FOXN2: variants seen among roughly 807,000 people sequenced by gnomAD.
FOXN2 encodes the protein forkhead box N2.
FOXN2 carries 19 observed loss-of-function variants against 41.2 expected under a neutral mutation model. That is an observed-to-expected ratio of 0.46 (90% CI 0.32 to 0.68). FOXN2 has a LOEUF of 0.68. FOXN2 is among the 30% of genes least tolerant of loss of function. FOXN2 has a pLI of 0.03. For synonymous variants in FOXN2, 195 were observed against 176.8 expected (o/e 1.10, Z -0.82); for missense variants, 587 against 509.4 (o/e 1.15, Z -1.47).
intron 4 of FOXN2, among the ~76,000 whole-genome samples, chr2:48,359,399 T>G (rs762389255): frequency 6.6e-6 from 1 of 152,148 alleles, no homozygotes; most frequent in Admixed American, 6.6e-5. Context: ...GTTCAGGTGA[T>G]CCTCCCACCT....
intron 2 of FOXN2, among the ~76,000 whole-genome samples, chr2:48,335,520 T>A (rs186440117): frequency 1.6e-4 from 25 of 152,310 alleles, no homozygotes; most frequent in Non-Finnish European, 2.8e-4. Flanking sequence ...TGAAATGATA[T>A]GCAAGACAAA....
chr2:48,334,501 G>C (rs1358513904), intron 2 of FOXN2, among the ~76,000 whole-genome samples: 2 of 152,190 alleles, frequency 1.3e-5, no homozygotes, highest in Non-Finnish European at 2.9e-5. Flanking sequence ...CAGCAGCATG[G>C]TGAACCACGT....
chr2:48,373,792 G>T (rs568657376), intron 6 of FOXN2, among the ~76,000 whole-genome samples: 1 of 152,034 alleles, frequency 6.6e-6, no homozygotes, highest in East Asian at 1.9e-4. Flanking sequence ...GGTGGCTCAC[G>T]TCTGTAATCC....
chr2:48,373,332 T>C lies in FOXN2; in HGVS notation c.744T>C (p.Asn248=). Residue 248 remains asparagine (N), a synonymous_variant, in exon 6 of 7, where the codon AAT becomes AAC. Coordinates refer to ENST00000340553, the MANE Select transcript of FOXN2 (RefSeq NM_002158.4). ...CTGCTGCTGCAATGATGCTTTTAAA[T>C]ACTTCTATAGAACAAGGAATTTTAG... The part of the protein sequence containing the change: ...IDAAAAMMLL[N]TSIEQGILEC... 6.3e-7 allele frequency: 1 copy of C among 1,591,078 alleles called. No homozygotes were observed. The highest frequency in any genetic ancestry group is 8.5e-7 in the Non-Finnish European group (1 of 1,170,844).
chr2:48,375,579 G>GT lies in FOXN2; in HGVS notation c.*141dup. The GT allele has an allele frequency of 3.2e-6, 3 of 939,732 alleles. No homozygotes were observed. Among genetic ancestry groups the GT allele is most frequent in the Non-Finnish European group, 4.6e-6 (3 of 652,378 alleles). 58.2% of individuals were successfully genotyped at this position (939,732 alleles called of 1,614,324 possible). On this transcript the variant is annotated 3_prime_UTR_variant, in exon 7 of 7. Transcript: ENST00000340553. ...TCTTTCAAAACATTTTTGGTTTTTG[G>GT]TTTTTAAAATTTTTATTAAACAATT...
chr2:48,324,783 A>G (rs1669556135), intron 1 of FOXN2, among the ~76,000 whole-genome samples: 2 of 152,286 alleles, frequency 1.3e-5, no homozygotes, highest in South Asian at 2.1e-4. Flanking sequence ...TCTCATGTCT[A>G]TTGTTTATTT....
intron 2 of FOXN2, 60 bp downstream of exon 2, chr2:48,328,762 T>G (rs929380928): frequency 1.3e-5 from 2 of 152,170 alleles, no homozygotes; most frequent in Non-Finnish European, 2.9e-5. Flanking sequence ...TGCTGTCAGT[T>G]TTTTTTTCTG....
intron 3 of FOXN2, among the ~76,000 whole-genome samples, chr2:48,354,228 C>T (rs1671641592): frequency 6.6e-6 from 1 of 152,138 alleles, no homozygotes; most frequent in South Asian, 2.1e-4. Context: ...TCAAATGTTG[C>T]AGAACACTTG....
At chr2:48,323,767 T>G (rs750602855) in intron 1 of FOXN2, among the ~76,000 whole-genome samples, 1 of 152,184 alleles carries the variant, frequency 6.6e-6, no homozygotes. Context: ...TTGTTGCAGT[T>G]GCTTTTGAGT....
intron 5 of FOXN2, among the ~76,000 whole-genome samples, chr2:48,370,507 C>CTT (rs2104521822): frequency 6.6e-6 from 1 of 152,236 alleles, no homozygotes; most frequent in East Asian, 1.9e-4. Context: ...TTTCTCTGAC[C>CTT]TCTATATTTA....
chr2:48,342,732 G>C (rs114457088), intron 2 of FOXN2, among the ~76,000 whole-genome samples: 1 of 152,108 alleles, frequency 6.6e-6, no homozygotes, highest in Non-Finnish European at 1.5e-5. Context: ...CATCTAAGTG[G>C]ATAGTGCTCT....
Position 48,328,701 on chromosome 2 carries a change from T to C in FOXN2, c.-16T>C, listed in dbSNP as rs931579602. On this transcript the variant is annotated splice_region_variant and 5_prime_UTR_variant, in exon 2 of 7. The change abolishes an upstream ATG in the 5' untranslated region. Coordinates refer to ENST00000340553, the MANE Select transcript of FOXN2 (RefSeq NM_002158.4). The stretch of plus-strand genomic sequence containing the variant: ...AGGTGATATTACTTCTGATTCTAGA[T>C]GGTAAGTATATTTTTCTCCTTTAAT... The C allele has an allele frequency of 1.3e-5, 2 of 152,194 alleles. No homozygotes were observed. Among genetic ancestry groups the C allele is most frequent in the African/African-American group, 4.8e-5 (2 of 41,456 alleles). The allele number at this position is 152,194 out of a possible 1,614,324, so 9.4% of individuals were successfully genotyped here.
At chr2:48,359,998 T>G (rs1388515443) in intron 4 of FOXN2, among the ~76,000 whole-genome samples, 1 of 152,136 alleles carries the variant, frequency 6.6e-6, no homozygotes, top group Non-Finnish European at 1.5e-5. Context: ...AGTCTAAAAT[T>G]TTTAAATGTT....
Position 48,376,641 on chromosome 2 carries a change from C to A in FOXN2, c.*1198C>A, listed in dbSNP as rs1572789549. ...GAGAAAAAGATTTTCTGGTACTACTCCAAAAGTGCTTTGACTAAGTATCTT... is the reference window on the plus strand; with the variant it reads ...GAGAAAAAGATTTTCTGGTACTACTACAAAAGTGCTTTGACTAAGTATCTT... On this transcript the variant is annotated 3_prime_UTR_variant, in exon 7 of 7. Transcript: ENST00000340553. 6.6e-6 allele frequency: 1 copy of A among 152,416 alleles called. No individual in the cohort carries two copies. Among genetic ancestry groups the A allele is most frequent in the African/African-American group, 2.4e-5 (1 of 41,414 alleles). The allele number at this position is 152,416 out of a possible 1,614,324, so 9.4% of individuals were successfully genotyped here.
chr2:48,346,727 G>C lies in FOXN2; in HGVS notation c.513G>C (p.Gln171His), dbSNP rs1047630459. 1.2e-5 allele frequency: 19 copies of C among 1,592,814 alleles called. No individual in the cohort carries two copies. Among genetic ancestry groups the C allele is most frequent in the Non-Finnish European group, 1.6e-5 (19 of 1,172,658 alleles). ...ATCTGTCCCTGAATAAATGTTTTCA[G>C]AAAGTGGAAAGAAGCCATGGCAAGG... ...RHNLSLNKCF[Q>H]KVERSHGKVN... is the part of the protein sequence containing the mutation. Residue 171 changes from glutamine to histidine, a missense_variant, in exon 3 of 7, where the codon CAG becomes CAC. Gln to His is a conservative substitution (Grantham distance 24). Coordinates refer to ENST00000340553, the MANE Select transcript of FOXN2 (RefSeq NM_002158.4).
intron 1 of FOXN2, among the ~76,000 whole-genome samples, chr2:48,324,974 C>G (rs1669566835): frequency 6.6e-6 from 1 of 152,072 alleles, no homozygotes; most frequent in Admixed American, 6.6e-5. Context: ...GGTAGACAAT[C>G]CAGTTGTTAG....
chr2:48,355,582 T>A (rs952267479), intron 3 of FOXN2, among the ~76,000 whole-genome samples: 3 of 152,134 alleles, frequency 2.0e-5, no homozygotes, highest in African/African-American at 7.2e-5. Flanking sequence ...ATGAAATGTT[T>A]CTTGGGTCAG....
In FOXN2 at chr2:48,376,749, G is replaced by C. The variant is rs1289915043; in HGVS notation, c.*1306G>C. On this transcript the variant is annotated 3_prime_UTR_variant, in exon 7 of 7. Transcript: ENST00000340553. ...TTGATTAGATTATTCAGAAACAATA[G>C]GATGCTAAACTAATTCATTGTATCT... 1.3e-5 allele frequency: 2 copies of C among 152,434 alleles called. No individual in the cohort carries two copies. Among genetic ancestry groups the C allele is most frequent in the African/African-American group, 4.8e-5 (2 of 41,422 alleles). The allele number at this position is 152,434 out of a possible 1,614,324, so 9.4% of individuals were successfully genotyped here.
intron 2 of FOXN2, among the ~76,000 whole-genome samples, chr2:48,330,897 A>G (rs1008232561): frequency 1.3e-5 from 2 of 152,170 alleles, no homozygotes; most frequent in East Asian, 3.8e-4. Context: ...TGTAGGCTAG[A>G]TGCTGCCATA....
Sources: allele counts gnomAD v4.1 joint callset (sites outside exome capture counted in the v4.1 genomes callset), GRCh38; gene constraint gnomAD v4.1.1; transcripts MANE v1.5; gene names NCBI Gene and HGNC (gene_info 2026-07-23, HGNC 2026-07-21).